SH3BP5: variants seen among roughly 807,000 people sequenced by gnomAD.
SH3BP5 encodes SH3 domain-binding protein 5.
In SH3BP5, 22 loss-of-function variants were observed where a neutral mutation model predicts 43.3. The ratio of observed to expected loss-of-function variants is 0.51; its 90% CI spans 0.36 to 0.73. SH3BP5 has a LOEUF of 0.73. SH3BP5 is among the 30% of genes least tolerant of loss of function. SH3BP5 has a pLI of 0.00. For missense variants in SH3BP5, 529 were observed against 586.9 expected (o/e 0.90, Z 1.02); for synonymous variants, 255 against 225.8 (o/e 1.13, Z -1.16).
Position 15,257,015 on chromosome 3 carries a change from T to A in SH3BP5, c.988A>T (p.Ser330Cys). ...AACTGGTCAGGCATCTCAGACGGGC[T>A]TGTTGGTCCTGAACTAAAGCTGGAC... ...SVSSFSSGPT[S>C]PSEMPDQFPA... The change falls in exon 8 of 9, where the codon AGC (serine) becomes TGC (cysteine). Residue 330 changes from serine to cysteine, a missense_variant. Physicochemically the swap from Ser to Cys is moderately radical, Grantham distance 112. Coordinates refer to ENST00000383791, the MANE Select transcript of SH3BP5 (RefSeq NM_004844.5). 1 of 1,614,254 alleles carries A rather than the reference T, an allele frequency of 6.2e-7. No individual in the cohort carries two copies. The highest frequency in any genetic ancestry group is 8.5e-7 in the Non-Finnish European group (1 of 1,180,044).
At chr3:15,287,475 G>A (rs915986510) in intron 3 of SH3BP5, among the ~76,000 whole-genome samples, 2 of 152,220 alleles carry the variant, frequency 1.3e-5, no homozygotes, top group African/African-American at 4.8e-5. Context: ...AAGCAGTGCT[G>A]TCCAACAGAA....
chr3:15,302,322 G>A (rs2125109337), intron 3 of SH3BP5, among the ~76,000 whole-genome samples: 1 of 152,284 alleles, frequency 6.6e-6, no homozygotes, highest in Middle Eastern at 3.4e-3. Flanking sequence ...TAGAGGCCTG[G>A]GCAGGGCCCA....
intron 3 of SH3BP5, among the ~76,000 whole-genome samples, chr3:15,284,203 T>G (rs1485922674): frequency 6.6e-6 from 1 of 152,216 alleles, no homozygotes; most frequent in Non-Finnish European, 1.5e-5. Flanking sequence ...TAGATCCTGA[T>G]GGGAACCCAC....
At chr3:15,291,097 A>T (rs1697399688) in intron 3 of SH3BP5, among the ~76,000 whole-genome samples, 1 of 152,200 alleles carries the variant, frequency 6.6e-6, no homozygotes, top group Admixed American at 6.5e-5. Flanking sequence ...GACAGAAAAA[A>T]ATACTAGACC....
chr3:15,309,626 C>T (rs923893368), intron 2 of SH3BP5, among the ~76,000 whole-genome samples: 1 of 152,108 alleles, frequency 6.6e-6, no homozygotes, highest in Non-Finnish European at 1.5e-5. Context: ...AAAATTGTTA[C>T]CTGGGTGCAG....
intron 4 of SH3BP5, among the ~76,000 whole-genome samples, chr3:15,265,223 C>T (rs1392343312): frequency 6.6e-6 from 1 of 152,070 alleles, no homozygotes; most frequent in Non-Finnish European, 1.5e-5. Flanking sequence ...TATACAAAAC[C>T]TCCAGGGCAG....
At chr3:15,307,156 C>G (rs1399878619) in intron 2 of SH3BP5, among the ~76,000 whole-genome samples, 1 of 152,188 alleles carries the variant, frequency 6.6e-6, no homozygotes, top group Non-Finnish European at 1.5e-5. Flanking sequence ...GCTCCCGAGC[C>G]TGGATCCCAT....
chr3:15,316,868 T>G (rs1282033562), intron 2 of SH3BP5, among the ~76,000 whole-genome samples: 2 of 152,222 alleles, frequency 1.3e-5, no homozygotes, highest in Non-Finnish European at 2.9e-5. Flanking sequence ...CAACCCTGCA[T>G]GCACATAAGC....
chr3:15,284,156 GCTTCAC>G (rs975295578), intron 3 of SH3BP5, among the ~76,000 whole-genome samples: 1 of 152,156 alleles, frequency 6.6e-6, no homozygotes, highest in Non-Finnish European at 1.5e-5. Flanking sequence ...GCTTAAGTAA[GCTTCAC>G]TGAAGCTTAC....
intron 3 of SH3BP5, among the ~76,000 whole-genome samples, chr3:15,276,861 T>C (rs1194601880): frequency 6.6e-6 from 1 of 152,268 alleles, no homozygotes; most frequent in Non-Finnish European, 1.5e-5. Context: ...GTTCTGAATA[T>C]AGTACATTTA....
intron 3 of SH3BP5, among the ~76,000 whole-genome samples, chr3:15,270,278 G>A (rs774901972): frequency 2.0e-5 from 3 of 152,178 alleles, no homozygotes; most frequent in Non-Finnish European, 2.9e-5. Flanking sequence ...GAACCAGGAA[G>A]GCCCCCAGAG....
chr3:15,332,240 C>T, intron 1 of SH3BP5, 31 bp downstream of exon 1: 1 of 1,551,002 alleles, frequency 6.4e-7, no homozygotes, highest in Non-Finnish European at 8.7e-7. Flanking sequence ...CCTCGCGAAG[C>T]CCGGATGCGG....
intron 3 of SH3BP5, among the ~76,000 whole-genome samples, chr3:15,281,166 C>A (rs1697117988): frequency 1.3e-5 from 2 of 152,148 alleles, no homozygotes; most frequent in Non-Finnish European, 2.9e-5. Context: ...AGAGCATCTC[C>A]CTCCCCTAAG....
chr3:15,338,925 T>TC (rs1036203439), intron 1 of SH3BP5, among the ~76,000 whole-genome samples: 17 of 152,106 alleles, frequency 1.1e-4, no homozygotes, highest in Admixed American at 3.3e-4. Flanking sequence ...GTCTGACCTC[T>TC]CCCCAGAGCC....
chr3:15,329,167 A>T (rs1484087884), intron 2 of SH3BP5, among the ~76,000 whole-genome samples: 1 of 152,008 alleles, frequency 6.6e-6, no homozygotes, highest in Non-Finnish European at 1.5e-5. Flanking sequence ...AAAAAATTTT[A>T]ATTAAATTCA....
chr3:15,298,120 G>A (rs916799145), intron 3 of SH3BP5, among the ~76,000 whole-genome samples: 1 of 151,920 alleles, frequency 6.6e-6, no homozygotes, highest in Non-Finnish European at 1.5e-5. Flanking sequence ...GGGACCACAG[G>A]CATGCACCAT....
rs1246973756 is a variant in SH3BP5, at chr3:15,259,704, G to A, written c.669+57C>T. 2.6e-6 allele frequency: 4 copies of A among 1,521,820 alleles called. No individual in the cohort carries two copies. In the East Asian group the frequency reaches 6.7e-5, roughly 26 times the overall value. The allele number at this position is 1,521,820 out of a possible 1,614,324, so 94.3% of individuals were successfully genotyped here. A position where few individuals can be genotyped will look rare whatever the true frequency, so the allele number is the denominator to read the frequency against. On this transcript the variant is annotated intron_variant, in intron 6 of 8. Coordinates refer to ENST00000383791, the MANE Select transcript of SH3BP5 (RefSeq NM_004844.5). ...TGTGATACTCTGCTACCCCAGAAAAGTGAAGCTTTGAGTGCAGAAAAATCT... is the reference window on the plus strand; with the variant it reads ...TGTGATACTCTGCTACCCCAGAAAAATGAAGCTTTGAGTGCAGAAAAATCT...
At chr3:15,260,144 A>C (rs149602852) in intron 5 of SH3BP5, 262 of 320,044 alleles carry the variant, frequency 8.2e-4, no homozygotes, top group South Asian at 1.3e-3. Flanking sequence ...CCCAGCAGTA[A>C]GGGTGGCCTG....
chr3:15,303,562 C>T (rs1170474729), intron 3 of SH3BP5, among the ~76,000 whole-genome samples: 1 of 152,150 alleles, frequency 6.6e-6, no homozygotes, highest in Non-Finnish European at 1.5e-5. Context: ...CACTCCCCTT[C>T]TGGTCTCCGT....
Sources: allele counts gnomAD v4.1 joint callset (sites outside exome capture counted in the v4.1 genomes callset), GRCh38; gene constraint gnomAD v4.1.1; transcripts MANE v1.5; gene names NCBI Gene and HGNC (gene_info 2026-07-23, HGNC 2026-07-21).